Variants in ATXN10 observed in about 807,000 individuals in gnomAD.
The protein encoded by ATXN10 is ataxin-10.
A neutral mutation model predicts 52.9 loss-of-function variants in ATXN10; 28 were observed. The ratio of observed to expected loss-of-function variants is 0.53; its 90% confidence interval spans 0.39 to 0.73. The LOEUF (loss-of-function observed/expected upper bound fraction) is 0.73, where lower values mean the gene tolerates loss of function less well. Among genes scored for constraint, ATXN10 ranks in the 30% least tolerant of loss-of-function variants. ATXN10 has a pLI of 0.00. For synonymous variants in ATXN10, 226 were observed against 221.5 expected (o/e 1.02, Z -0.18); for missense variants, 565 against 577.0 (o/e 0.98, Z 0.21).
rs761672219 is a variant in ATXN10 at position 45,842,896 on chromosome 22, G to A, written c.1238-95G>A. On this transcript the variant is annotated intron_variant, in intron 10 of 11. Transcript: ENST00000252934. This position sits in a 1 kb window ranked among gnomAD's most constrained non-coding sequence, Gnocchi z 4.8. ...CTTGTGGATTGATACTGGATGTTCC[G>A]TGTTTCTGTGCTCCTCTACTCCTTT... 43 of 1,336,778 alleles carry A rather than the reference G, an allele frequency of 3.2e-5. No individual in the cohort carries two copies. The highest frequency in any genetic ancestry group is 1.9e-4 in the African/African-American group (13 of 69,406). The allele number at this position is 1,336,778 out of a possible 1,614,324, so 82.8% of individuals were successfully genotyped here. A position where few individuals can be genotyped will look rare whatever the true frequency, so the allele number is the denominator to read the frequency against.
chr22:45,753,068 G>A (rs185845510), intron 9 of ATXN10, among the ~76,000 whole-genome samples: 5 of 152,128 alleles, frequency 3.3e-5, no homozygotes, highest in African/African-American at 4.8e-5. Context: ...GTCCATCTTC[G>A]TCTTGAGTCA....
At chr22:45,702,156 T>G (rs895116352) in intron 4 of ATXN10, among the ~76,000 whole-genome samples, 1 of 152,182 alleles carries the variant, frequency 6.6e-6, no homozygotes, top group Non-Finnish European at 1.5e-5. Context: ...CCTGCCATAT[T>G]GCATAACCCA....
chr22:45,685,789 A>C (rs970671635), intron 1 of ATXN10, among the ~76,000 whole-genome samples: 3 of 152,230 alleles, frequency 2.0e-5, no homozygotes, highest in Admixed American at 6.5e-5. Flanking sequence ...TATTGTATAA[A>C]AATATGGTGA....
chr22:45,722,114 G>T (rs1924676955), intron 6 of ATXN10, among the ~76,000 whole-genome samples: 1 of 152,156 alleles, frequency 6.6e-6, no homozygotes, highest in Admixed American at 6.5e-5. Context: ...ATGATTTCTG[G>T]GTTAAGGGAG....
intron 3 of ATXN10, among the ~76,000 whole-genome samples, chr22:45,697,450 A>G (rs1023326085): frequency 2.6e-5 from 4 of 151,316 alleles, no homozygotes; most frequent in African/African-American, 9.7e-5. Context: ...ATCACCCTAA[A>G]AGGATACCGT....
intron 10 of ATXN10, among the ~76,000 whole-genome samples, chr22:45,808,752 G>A (rs1026683801): frequency 9.9e-5 from 15 of 152,160 alleles, no homozygotes; most frequent in Non-Finnish European, 1.6e-4. Flanking sequence ...AAAAGTCACC[G>A]GGAGGAGACA....
intron 9 of ATXN10, among the ~76,000 whole-genome samples, chr22:45,767,369 A>G (rs1406343123): frequency 6.6e-6 from 1 of 152,070 alleles, no homozygotes; most frequent in Non-Finnish European, 1.5e-5. Context: ...TATGTAATAC[A>G]GAGGGAGAAA....
rs559056597 is a variant in ATXN10 at position 45,701,697 on chromosome 22, A to G, written c.489-992A>G. On this transcript the variant is annotated intron_variant, in intron 4 of 11. Coordinates refer to ENST00000252934, the MANE Select transcript of ATXN10 (RefSeq NM_013236.4). The surrounding 1 kb of genome is among the most constrained non-coding windows in gnomAD (Gnocchi z 4.2). ...GATGATTAGAATGTGGTGGTAACTT[A>G]TATATTCGTTATTCCTGAAGGATTT... Among the ~76,000 whole-genome samples, 55 of 152,288 alleles carry G rather than the reference A, an allele frequency of 3.6e-4. 1 individual carries two copies. Among genetic ancestry groups the G allele is most frequent in the Admixed American group, 7.8e-4 (12 of 15,298 alleles).
chr22:45,758,142 G>C (rs1926242695), intron 9 of ATXN10, among the ~76,000 whole-genome samples: 1 of 152,194 alleles, frequency 6.6e-6, no homozygotes, highest in Non-Finnish European at 1.5e-5. Context: ...CTGTTGTCCT[G>C]AGCTTCCGCA....
chr22:45,815,904 A>G (rs564190000), intron 10 of ATXN10, among the ~76,000 whole-genome samples: 3 of 152,302 alleles, frequency 2.0e-5, no homozygotes, highest in Non-Finnish European at 2.9e-5. Flanking sequence ...GTTGGATACA[A>G]AATCTTTCAT....
chr22:45,687,926 G>A (rs9614757), intron 1 of ATXN10, among the ~76,000 whole-genome samples: 5,522 of 152,076 alleles, frequency 0.036, 121 homozygotes, highest in Non-Finnish European at 0.04. Flanking sequence ...GCGTGGTGGC[G>A]TGTGCCTGTA....
chr22:45,757,439 C>G lies in ATXN10; in HGVS notation c.1173+16901C>G, dbSNP rs1926216639. ...TGAGGCTCCGAGGTGGGAGCCCAGG[C>G]TGGGATTCAGGATTTCGCTGCTCCC... On this transcript the variant is annotated intron_variant, in intron 9 of 11. Coordinates refer to ENST00000252934, the MANE Select transcript of ATXN10 (RefSeq NM_013236.4). This position sits in a 1 kb window ranked among gnomAD's most constrained non-coding sequence, Gnocchi z 4.6. Among the ~76,000 whole-genome samples the G allele has an allele frequency of 6.6e-6, 1 of 152,148 alleles. No homozygotes were observed. Among genetic ancestry groups the G allele is most frequent in the African/African-American group, 2.4e-5 (1 of 41,434 alleles).
Position 45,740,427 on chromosome 22 carries a change from T to G in ATXN10, c.1062T>G (p.Cys354Trp), listed in dbSNP as rs745692531. Residue 354 changes from cysteine (C) to tryptophan (W), a missense_variant, in exon 9 of 12, where the codon TGT becomes TGG. Physicochemically the swap from Cys to Trp is radical, Grantham distance 215. Transcript: ENST00000252934. ...GKETTNIFSN[C>W]GCVRAEGDIS... ...AAACCACAAACATCTTCAGTAATTG[T>G]GGTTGCGTGAGAGCAGAAGGTGACA... is the stretch of plus-strand genomic sequence containing the variant. The G allele has an allele frequency of 6.2e-7, 1 of 1,613,950 alleles. No individual in the cohort carries two copies. Among genetic ancestry groups the G allele is most frequent in the Non-Finnish European group, 8.5e-7 (1 of 1,179,928 alleles).
chr22:45,717,951 A>T (rs745607602), intron 5 of ATXN10, among the ~76,000 whole-genome samples: 3 of 152,162 alleles, frequency 2.0e-5, no homozygotes, highest in Non-Finnish European at 2.9e-5. Flanking sequence ...GACAATGAGG[A>T]TGTTTTCTTG....
chr22:45,764,081 C>T (rs759510819), intron 9 of ATXN10, among the ~76,000 whole-genome samples: 24 of 152,366 alleles, frequency 1.6e-4, no homozygotes, highest in Middle Eastern at 3.4e-3. Flanking sequence ...TGAAATCCTT[C>T]CTCACGGTGC....
In ATXN10 at chr22:45,770,090, G is replaced by A. The variant is rs1172143092; in HGVS notation, c.1173+29552G>A. 6.6e-6 allele frequency among the ~76,000 whole-genome samples: 1 copy of A among 151,188 alleles called. No individual in the cohort carries two copies. The highest frequency in any genetic ancestry group is 1.5e-5 in the Non-Finnish European group (1 of 67,750). The stretch of plus-strand genomic sequence containing the variant: ...CTACTGTTTCTTGAGAAATGATTAT[G>A]TGTCAAGCTCTGTGCTTTCTGTATG... On this transcript the variant is annotated intron_variant, in intron 9 of 11. Coordinates refer to ENST00000252934, the MANE Select transcript of ATXN10 (RefSeq NM_013236.4). This position sits in a 1 kb window ranked among gnomAD's most constrained non-coding sequence, Gnocchi z 4.5.
chr22:45,712,656 C>G lies in ATXN10; in HGVS notation c.648-5757C>G, dbSNP rs1924295161. Among the ~76,000 whole-genome samples, 1 of 152,140 alleles carries G rather than the reference C, an allele frequency of 6.6e-6. No individual in the cohort carries two copies. The highest frequency in any genetic ancestry group is 2.4e-5 in the African/African-American group (1 of 41,422). Reference sequence around the variant, plus strand: ...TGTGTGTAATACGTTTCCCCCAGTGCCTGGCACATGTAGATTCAGGAAATC... The same window carrying G: ...TGTGTGTAATACGTTTCCCCCAGTGGCTGGCACATGTAGATTCAGGAAATC... On this transcript the variant is annotated intron_variant, in intron 5 of 11. Transcript: ENST00000252934. This position sits in a 1 kb window ranked among gnomAD's most constrained non-coding sequence, Gnocchi z 4.6.
At chr22:45,676,484 TG>T (rs1569019167) in intron 1 of ATXN10, 1 of 151,084 alleles carries the variant, frequency 6.6e-6, no homozygotes, top group South Asian at 2.1e-4. Context: ...TTTTTTAATT[TG>T]TTTTTTTTTT....
At chr22:45,713,480 G>A (rs1381898421) in intron 5 of ATXN10, among the ~76,000 whole-genome samples, 2 of 152,106 alleles carry the variant, frequency 1.3e-5, no homozygotes, top group East Asian at 1.9e-4. Context: ...TTCCTTAGGC[G>A]AACTTACAGA....
Sources: gnomAD v4.1 joint callset for allele counts (sites outside exome capture counted in the v4.1 genomes callset) on GRCh38, gnomAD v4.1.1 for gene constraint, Gnocchi (gnomAD v3.1) non-coding constraint, MANE v1.5 for transcripts, NCBI Gene and HGNC (gene_info 2026-07-23, HGNC 2026-07-21) for gene names.